The following FAM151B variants were observed in gnomAD, a reference collection of about 807,000 sequenced individuals.
FAM151B encodes protein FAM151B.
Under a neutral mutation model 31.2 loss-of-function variants are expected in FAM151B, and 24 were observed. That is an observed-to-expected ratio of 0.77 (90% CI 0.56 to 1.08). The LOEUF (loss-of-function observed/expected upper bound fraction) is 1.08, where lower values mean the gene tolerates loss of function less well. FAM151B is among the 50% of genes least tolerant of loss of function. The pLI is 0.00. For synonymous variants in FAM151B, 105 were observed against 111.4 expected (o/e 0.94, Z 0.36); for missense variants, 293 against 328.6 (o/e 0.89, Z 0.84).
intron 5 of FAM151B, among the ~76,000 whole-genome samples, chr5:80,532,144 T>A (rs1745270133): frequency 6.9e-6 from 1 of 144,218 alleles, no homozygotes; most frequent in African/African-American, 2.6e-5. Flanking sequence ...CTGTGTGTTC[T>A]CACTCATAGG....
At chr5:80,504,514 C>CTTTTTTTTTTTTTTTTTTTT (rs11340979) in intron 2 of FAM151B, among the ~76,000 whole-genome samples, 1 of 58,716 alleles carries the variant, frequency 1.7e-5, no homozygotes, top group African/African-American at 6.8e-5. Flanking sequence ...GACTATTACT[C>CTTTTTTTTTTTTTTTTTTTT]TTTTTTTTTT....
At chr5:80,519,663 T>C in intron 3 of FAM151B, 30 bp from the exon 4 acceptor site, 1 of 1,586,220 alleles carries the variant, frequency 6.3e-7, no homozygotes, top group Non-Finnish European at 8.6e-7. Flanking sequence ...CTAAAGAATC[T>C]ATCTCATTGA....
At chr5:80,531,909 G>A (rs1745259790) in intron 5 of FAM151B, among the ~76,000 whole-genome samples, 3 of 152,110 alleles carry the variant, frequency 2.0e-5, no homozygotes, top group African/African-American at 7.2e-5. Flanking sequence ...AGGATTATAA[G>A]TCATGCAGCT....
intron 2 of FAM151B, among the ~76,000 whole-genome samples, chr5:80,506,754 T>G (rs1158649303): frequency 6.6e-6 from 1 of 152,196 alleles, no homozygotes; most frequent in Non-Finnish European, 1.5e-5. Context: ...AGGAGAGATT[T>G]TTTTCCCTAA....
At chr5:80,492,089 T>C (rs1479429015) in intron 1 of FAM151B, among the ~76,000 whole-genome samples, 1 of 152,164 alleles carries the variant, frequency 6.6e-6, no homozygotes, top group African/African-American at 2.4e-5. Flanking sequence ...TGATTCCGTA[T>C]GATATTGTAG....
At chr5:80,527,066 GCA>G (rs934457859) in intron 5 of FAM151B, among the ~76,000 whole-genome samples, 19 of 152,126 alleles carry the variant, frequency 1.2e-4, no homozygotes, top group African/African-American at 4.6e-4. Context: ...TTAGTATTCT[GCA>G]AAGATCCTGC....
intron 5 of FAM151B, among the ~76,000 whole-genome samples, chr5:80,530,969 CT>C (rs1745216678): frequency 6.6e-6 from 1 of 152,168 alleles, no homozygotes; most frequent in Non-Finnish European, 1.5e-5. Context: ...AGGCATCATG[CT>C]ACCTGACTTC....
At chr5:80,489,484 T>G (rs1344016198) in intron 1 of FAM151B, among the ~76,000 whole-genome samples, 1 of 152,146 alleles carries the variant, frequency 6.6e-6, no homozygotes, top group Non-Finnish European at 1.5e-5. Context: ...GGGACAAAGC[T>G]CACACTCAAG....
intron 5 of FAM151B, among the ~76,000 whole-genome samples, chr5:80,532,967 A>G (rs1321072505): frequency 6.6e-6 from 1 of 152,212 alleles, no homozygotes; most frequent in Non-Finnish European, 1.5e-5. Context: ...TGGAAACACA[A>G]CATATCAAAA....
chr5:80,500,808 C>T (rs541364641), intron 1 of FAM151B: 10 of 1,493,554 alleles, frequency 6.7e-6, no homozygotes, highest in Middle Eastern at 2.2e-4. Context: ...GTGGTTATGG[C>T]AAAATCAATA....
chr5:80,514,731 CTG>C (rs1744342762), intron 3 of FAM151B, among the ~76,000 whole-genome samples: 1 of 151,984 alleles, frequency 6.6e-6, no homozygotes, highest in African/African-American at 2.4e-5. Flanking sequence ...TACTTCATCT[CTG>C]AGTAATATTT....
intron 1 of FAM151B, among the ~76,000 whole-genome samples, chr5:80,496,798 AATT>A (rs1399041491): frequency 2.4e-5 from 3 of 122,520 alleles, no homozygotes; most frequent in African/African-American, 5.8e-5. Flanking sequence ...CTTTTTGCTT[AATT>A]TTTTTTTTTT....
At chr5:80,495,177 G>A (rs1318061218) in intron 1 of FAM151B, 5 of 152,220 alleles carry the variant, frequency 3.3e-5, no homozygotes, top group South Asian at 4.1e-4. Context: ...TATTACTGTT[G>A]ATTGACAAGG....
chr5:80,512,712 G>A (rs1244359628), intron 2 of FAM151B, among the ~76,000 whole-genome samples: 1 of 149,218 alleles, frequency 6.7e-6, no homozygotes, highest in Non-Finnish European at 1.5e-5. Context: ...AGCTCAGGAG[G>A]TCAAAGCTTC....
intron 5 of FAM151B, among the ~76,000 whole-genome samples, chr5:80,533,148 C>T (rs750550272): frequency 2.6e-5 from 4 of 151,942 alleles, no homozygotes; most frequent in Admixed American, 6.6e-5. Flanking sequence ...GAGGCTGACG[C>T]GGGTGGATCA....
intron 5 of FAM151B, among the ~76,000 whole-genome samples, chr5:80,523,103 C>T (rs1170598392): frequency 6.6e-6 from 1 of 152,094 alleles, no homozygotes; most frequent in African/African-American, 2.4e-5. Context: ...ATTTGAACAT[C>T]AAACAGTAAA....
At chr5:80,505,515 C>T (rs1402602446) in intron 2 of FAM151B, among the ~76,000 whole-genome samples, 3 of 152,022 alleles carry the variant, frequency 2.0e-5, no homozygotes, top group Non-Finnish European at 2.9e-5. Context: ...CTGCCTCAGC[C>T]TCCCAAGTAG....
At chr5:80,494,460 C>CTTTTT (rs56167626) in intron 1 of FAM151B, among the ~76,000 whole-genome samples, 2 of 70,948 alleles carry the variant, frequency 2.8e-5, no homozygotes, top group South Asian at 4.8e-4. Flanking sequence ...TCTTTCTTTT[C>CTTTTT]TTTCTTTCTT....
At chr5:80,499,857 T>A (rs1186250765) in intron 1 of FAM151B, 1 of 151,432 alleles carries the variant, frequency 6.6e-6, no homozygotes, top group African/African-American at 2.4e-5. Flanking sequence ...TTGTTAATTT[T>A]TTTTTTTTTT....
Sources: gnomAD v4.1 joint callset for allele counts (sites outside exome capture counted in the v4.1 genomes callset) on GRCh38, gnomAD v4.1.1 for gene constraint, MANE v1.5 for transcripts, NCBI Gene and HGNC (gene_info 2026-07-23, HGNC 2026-07-21) for gene names.